SIPA1L2: variants seen among roughly 807,000 people sequenced by gnomAD.
The protein encoded by SIPA1L2 is signal induced proliferation associated 1 like 2, also known as signal-induced proliferation-associated 1-like protein 2.
SIPA1L2 carries 56 observed loss-of-function variants against 163.9 expected under a neutral mutation model. The ratio of observed to expected loss-of-function variants is 0.34; its 90% confidence interval spans 0.28 to 0.43. The LOEUF is 0.43. Among genes scored for constraint, SIPA1L2 ranks in the 20% least tolerant of loss-of-function variants. SIPA1L2 has a pLI of 1.00. For synonymous variants in SIPA1L2, 877 were observed against 865.7 expected (o/e 1.01, Z -0.23); for missense variants, 1,974 against 2,193.5 (o/e 0.90, Z 2.00).
At chr1:232,429,933 T>A (rs2102825744) in intron 16 of SIPA1L2, among the ~76,000 whole-genome samples, 1 of 152,312 alleles carries the variant, frequency 6.6e-6, no homozygotes, top group East Asian at 1.9e-4. Flanking sequence ...ATAATTACGA[T>A]TACAATGTGC....
chr1:232,443,592 T>C lies in SIPA1L2; in HGVS notation c.3437+10A>G. The C allele has an allele frequency of 1.3e-6, 2 of 1,561,452 alleles. No individual in the cohort carries two copies. The highest frequency in any genetic ancestry group is 1.7e-6 in the Non-Finnish European group (2 of 1,152,030). On this transcript the variant is annotated intron_variant, in intron 12 of 22. Transcript: ENST00000674635. Reference sequence around the variant, plus strand: ...TCCCAGTGGATAACTAAGATAAAAATGAACAGTACCCGTCGTAGCCCACTT... The same window carrying C: ...TCCCAGTGGATAACTAAGATAAAAACGAACAGTACCCGTCGTAGCCCACTT...
chr1:232,569,628 C>G (rs1659603923), intron 2 of SIPA1L2, among the ~76,000 whole-genome samples: 1 of 152,194 alleles, frequency 6.6e-6, no homozygotes, highest in Non-Finnish European at 1.5e-5. Context: ...GCCTGGCCAA[C>G]ACAGTGGAAC....
intron 10 of SIPA1L2, among the ~76,000 whole-genome samples, chr1:232,446,503 A>G (rs908657269): frequency 1.3e-5 from 2 of 152,246 alleles, no homozygotes; most frequent in Non-Finnish European, 2.9e-5. Context: ...TTATGCATCA[A>G]CACCTCAATA....
At chr1:232,402,290 A>T in intron 22 of SIPA1L2, 102 bp downstream of exon 22, 1 of 960,076 alleles carries the variant, frequency 1.0e-6, no homozygotes, top group Non-Finnish European at 1.5e-6. Flanking sequence ...TTTTTGTGTA[A>T]GGCAGTTTTC....
intron 18 of SIPA1L2, among the ~76,000 whole-genome samples, chr1:232,421,981 C>A (rs1328458519): frequency 1.3e-5 from 2 of 152,164 alleles, no homozygotes; most frequent in African/African-American, 2.4e-5. Context: ...TGTGAGCCTG[C>A]CAATGCTTGG....
At chr1:232,508,112 T>C (rs964291200) in intron 3 of SIPA1L2, among the ~76,000 whole-genome samples, 21 of 152,178 alleles carry the variant, frequency 1.4e-4, no homozygotes, top group African/African-American at 5.1e-4. Context: ...TTTCCCCCAC[T>C]ACATTCAGAG....
rs1003330684 is a variant in SIPA1L2 at position 232,398,560 on chromosome 1, T to TC, written c.*566_*567insG. On this transcript the variant is annotated 3_prime_UTR_variant, in exon 23 of 23. Transcript: ENST00000674635. ...ACTAGTGTTAAACACAACAGTGCTT[T>TC]TTTTTTTTTTTAATCCCCCCACAAA... 6.6e-6 allele frequency: 1 copy of TC among 151,102 alleles called. No individual in the cohort carries two copies. Among genetic ancestry groups the TC allele is most frequent in the African/African-American group, 2.4e-5 (1 of 41,212 alleles). 9.4% of individuals were successfully genotyped at this position (151,102 alleles called of 1,614,324 possible). A position where few individuals can be genotyped will look rare whatever the true frequency, so the allele number is the denominator to read the frequency against.
At chr1:232,614,186 C>G (rs1025205122) in intron 1 of SIPA1L2, among the ~76,000 whole-genome samples, 2 of 151,824 alleles carry the variant, frequency 1.3e-5, no homozygotes, top group Non-Finnish European at 2.9e-5. Flanking sequence ...CGTGTAACAG[C>G]GTAAGAAGAG....
At chr1:232,520,702 T>G (rs1247823635) in intron 2 of SIPA1L2, among the ~76,000 whole-genome samples, 1 of 152,194 alleles carries the variant, frequency 6.6e-6, no homozygotes, top group Non-Finnish European at 1.5e-5. Context: ...TTATTTTTCA[T>G]GCCAGTATCC....
rs529237346 is a variant in SIPA1L2 at position 232,552,057 on chromosome 1, C to G, written c.-270+22117G>C. ...GTTTCACCATGTTGGCCAGGCTGGT[C>G]TCGAATTCCTGACCTCAGGCGATCC... On this transcript the variant is annotated intron_variant, in intron 2 of 22. Coordinates refer to ENST00000674635, the MANE Select transcript of SIPA1L2 (RefSeq NM_020808.5). Among the ~76,000 whole-genome samples, 7 of 152,170 alleles carry G rather than the reference C, an allele frequency of 4.6e-5. No homozygotes were observed. The East Asian group carries it at 1.4e-3, about 30-fold the overall frequency.
chr1:232,585,707 G>A (rs917695828), intron 1 of SIPA1L2, among the ~76,000 whole-genome samples: 1 of 152,144 alleles, frequency 6.6e-6, no homozygotes, highest in Non-Finnish European at 1.5e-5. Context: ...TCCATAACAA[G>A]GTTCCCTTAA....
At chr1:232,494,807 A>C (rs1244487429) in intron 3 of SIPA1L2, among the ~76,000 whole-genome samples, 1 of 152,184 alleles carries the variant, frequency 6.6e-6, no homozygotes, top group Non-Finnish European at 1.5e-5. Flanking sequence ...CCAATCATTC[A>C]TGTGAGCAGG....
In SIPA1L2 at chr1:232,443,615, C is replaced by G. The variant is rs779177945; in HGVS notation, c.3424G>C (p.Val1142Leu). 9 of 1,606,140 alleles carry G rather than the reference C, an allele frequency of 5.6e-6. No individual in the cohort carries two copies. In the East Asian group the frequency reaches 1.6e-4, roughly 28 times the overall value. ...PGGSGPWRPQVGYDGCQSPLL... is the reference protein window; with the variant it reads ...PGGSGPWRPQLGYDGCQSPLL... ...AATGAACAGTACCCGTCGTAGCCCACTTGTGGTCTCCAGGGTCCGCTCCCG... is the reference window on the plus strand; with the variant it reads ...AATGAACAGTACCCGTCGTAGCCCAGTTGTGGTCTCCAGGGTCCGCTCCCG... The change falls in exon 12 of 23, where the codon GTG becomes CTG. Residue 1142 changes from valine (V) to leucine (L), a missense_variant. Physicochemically the swap from Val to Leu is conservative, Grantham distance 32 (BLOSUM62 1). Around this residue, in one of 3 missense-constraint regions of SIPA1L2, gnomAD observed 1,079 missense variants for 1,150.7 expected, o/e 0.94. Transcript: ENST00000674635.
In SIPA1L2 at chr1:232,467,419, C is replaced by T. The variant is rs571345741; in HGVS notation, c.2244-2003G>A. On this transcript the variant is annotated intron_variant, in intron 8 of 22. Coordinates refer to ENST00000674635, the MANE Select transcript of SIPA1L2 (RefSeq NM_020808.5). ...CTACATCAGGTGTGGCCCATTTTCCCCTCACCACCATCCTCAGGATGGCCA... is the reference window on the plus strand; with the variant it reads ...CTACATCAGGTGTGGCCCATTTTCCTCTCACCACCATCCTCAGGATGGCCA... Among the ~76,000 whole-genome samples, 8 of 152,210 alleles carry T rather than the reference C, an allele frequency of 5.3e-5. No individual in the cohort carries two copies. The East Asian group carries it at 1.6e-3, about 29-fold the overall frequency.
intron 3 of SIPA1L2, 31 bp downstream of exon 3, chr1:232,513,826 A>T: frequency 6.5e-7 from 1 of 1,530,528 alleles, no homozygotes; most frequent in Non-Finnish European, 8.7e-7. Flanking sequence ...TACTCCCGAG[A>T]CACATGCAAA....
chr1:232,430,608 T>C (rs1662172875), intron 16 of SIPA1L2, among the ~76,000 whole-genome samples: 1 of 152,184 alleles, frequency 6.6e-6, no homozygotes, highest in Non-Finnish European at 1.5e-5. Context: ...TGCAGTCCTG[T>C]ATGACTGCCT....
In SIPA1L2 at chr1:232,493,550, T is replaced by G; in HGVS notation, c.1594A>C (p.Arg532=). 2 of 1,614,124 alleles carry G rather than the reference T, an allele frequency of 1.2e-6. No individual in the cohort carries two copies. The highest frequency in any genetic ancestry group is 1.7e-6 in the Non-Finnish European group (2 of 1,179,988). ...ACCTCACTTGTCCTGAAAGCCACCCTGTAGTTGAACTGGGATCCTTCTTTC... is the reference window on the plus strand; with the variant it reads ...ACCTCACTTGTCCTGAAAGCCACCCGGTAGTTGAACTGGGATCCTTCTTTC... ...KEKEGSQFNY[R]VAFRTSELTT... is the part of the protein sequence containing the mutation. The change falls in exon 4 of 23, where the codon AGG becomes CGG. Residue 532 remains arginine, a synonymous_variant. Coordinates refer to ENST00000674635, the MANE Select transcript of SIPA1L2 (RefSeq NM_020808.5).
At chr1:232,604,217 A>G (rs533590147) in intron 1 of SIPA1L2, among the ~76,000 whole-genome samples, 1 of 152,332 alleles carries the variant, frequency 6.6e-6, no homozygotes, top group African/African-American at 2.4e-5. Flanking sequence ...GTTTTGACTC[A>G]CTATCACTAA....
intron 2 of SIPA1L2, among the ~76,000 whole-genome samples, chr1:232,571,608 T>A (rs112814150): frequency 6.6e-6 from 1 of 152,220 alleles, no homozygotes; most frequent in Non-Finnish European, 1.5e-5. Context: ...TGTTGAAATG[T>A]GATCCCAGGG....
Sources: allele counts gnomAD v4.1 joint callset (sites outside exome capture counted in the v4.1 genomes callset), GRCh38; gene constraint gnomAD v4.1.1; regional missense constraint gnomAD v4.1.1; transcripts MANE v1.5; gene names NCBI Gene and HGNC (gene_info 2026-07-23, HGNC 2026-07-21).